VRK3: variants seen among roughly 807,000 people sequenced by gnomAD.
The protein encoded by VRK3 is serine/threonine-protein kinase VRK3.
A neutral mutation model predicts 60.4 loss-of-function variants in VRK3; 50 were observed. That is an observed-to-expected ratio of 0.83 (90% CI 0.66 to 1.05). The LOEUF is 1.05. Among genes scored for constraint, VRK3 ranks in the 50% least tolerant of loss-of-function variants. The pLI is 0.00. For missense variants in VRK3, 549 were observed against 585.3 expected (o/e 0.94, Z 0.64); for synonymous variants, 246 against 227.8 (o/e 1.08, Z -0.72).
intron 1 of VRK3, among the ~76,000 whole-genome samples, chr19:50,022,268 T>G (rs1332049356): frequency 6.6e-6 from 1 of 152,162 alleles, no homozygotes; most frequent in Admixed American, 6.5e-5. Flanking sequence ...GAAGCTGATG[T>G]TGGGTGTGGA....
intron 7 of VRK3, among the ~76,000 whole-genome samples, chr19:49,996,286 A>G (rs1416332793): frequency 6.6e-6 from 1 of 151,862 alleles, no homozygotes; most frequent in Non-Finnish European, 1.5e-5. Context: ...CGAACTCCTG[A>G]CCTCAGGTGA....
intron 3 of VRK3, among the ~76,000 whole-genome samples, chr19:50,011,695 G>A (rs1487843768): frequency 6.6e-6 from 1 of 151,338 alleles, no homozygotes; most frequent in Non-Finnish European, 1.5e-5. Flanking sequence ...GGTCCTGCCT[G>A]TCTTCCCCCA....
chr19:49,989,526 C>T, intron 11 of VRK3, 113 bp downstream of exon 11: 1 of 1,395,426 alleles, frequency 7.2e-7, no homozygotes, highest in East Asian at 2.6e-5. Flanking sequence ...TGTCCTGGCG[C>T]CCTTAGTGCC....
intron 10 of VRK3, among the ~76,000 whole-genome samples, chr19:49,992,318 C>A (rs1568784583): frequency 6.6e-6 from 1 of 152,212 alleles, no homozygotes; most frequent in African/African-American, 2.4e-5. Flanking sequence ...GACAGAGAAT[C>A]GCTTGAACCC....
intron 2 of VRK3, among the ~76,000 whole-genome samples, chr19:50,018,842 T>A (rs2077116902): frequency 6.6e-6 from 1 of 151,958 alleles, no homozygotes; most frequent in Non-Finnish European, 1.5e-5. Flanking sequence ...AATAAATATA[T>A]ACACCTACTA....
intron 1 of VRK3, among the ~76,000 whole-genome samples, chr19:50,023,227 C>T (rs2077199493): frequency 6.6e-6 from 1 of 152,164 alleles, no homozygotes; most frequent in Non-Finnish European, 1.5e-5. Context: ...CTCTTTTCGC[C>T]CAGGCTGGAG....
rs148877918 is a variant in VRK3 at position 49,989,740 on chromosome 19, C to T, written c.995G>A (p.Arg332His). ...CACGTGTTTGCCACTTGGGCAATAG[C>T]GGAAGGCGAAGCCATAGCCTGCCAA... ...VTLAGYGFAF[R>H]YCPSGKHVAY... The change falls in exon 11 of 15, where the codon CGC (arginine) becomes CAC (histidine). Residue 332 changes from arginine (R) to histidine (H), a missense_variant. By Grantham distance (29) the Arg-to-His change is conservative. Coordinates refer to ENST00000316763, the MANE Select transcript of VRK3 (RefSeq NM_016440.4). 10 of 1,612,662 alleles carry T rather than the reference C, an allele frequency of 6.2e-6. No individual in the cohort carries two copies. The highest frequency in any genetic ancestry group is 5.3e-5 in the African/African-American group (4 of 74,920).
intron 14 of VRK3, among the ~76,000 whole-genome samples, chr19:49,977,047 G>A (rs573689492): frequency 2.8e-4 from 42 of 152,300 alleles, no homozygotes; most frequent in African/African-American, 8.9e-4. Context: ...GAGCAAGTGG[G>A]TGGGGAGGCA....
Position 50,009,399 on chromosome 19 carries a change from G to A in VRK3, c.140-14C>T. On this transcript the variant is annotated splice_polypyrimidine_tract_variant and intron_variant, in intron 3 of 14. Transcript: ENST00000316763. Reference sequence around the variant, plus strand: ...CTCTCTTTGAGCCTAAAGAAAGGCAGACAAAATGCAGACTGGAGTTACAAA... The same window carrying A: ...CTCTCTTTGAGCCTAAAGAAAGGCAAACAAAATGCAGACTGGAGTTACAAA... 1.2e-6 allele frequency: 2 copies of A among 1,612,620 alleles called. No homozygotes were observed. The highest frequency in any genetic ancestry group is 1.7e-6 in the Non-Finnish European group (2 of 1,179,500).
intron 11 of VRK3, 43 bp downstream of exon 11, chr19:49,989,596 G>C: frequency 1.9e-6 from 3 of 1,568,380 alleles, no homozygotes; most frequent in Non-Finnish European, 2.6e-6. Flanking sequence ...CCTTGTATAA[G>C]AAGCATCTCT....
chr19:50,003,275 A>G (rs1600695832), intron 5 of VRK3, among the ~76,000 whole-genome samples: 2 of 152,140 alleles, frequency 1.3e-5, no homozygotes, highest in Admixed American at 1.3e-4. Flanking sequence ...CTTCGTACCC[A>G]GTGATTTTGG....
chr19:49,993,396 G>A (rs1465928366), intron 9 of VRK3, among the ~76,000 whole-genome samples: 2 of 152,010 alleles, frequency 1.3e-5, no homozygotes, highest in Admixed American at 1.3e-4. Flanking sequence ...TTTTTTTGCT[G>A]TGTGTATATA....
intron 11 of VRK3, 65 bp from the exon 12 acceptor site, chr19:49,988,557 C>G (rs1269192803): frequency 1.9e-6 from 3 of 1,563,926 alleles, no homozygotes; most frequent in Non-Finnish European, 2.6e-6. Context: ...TGGGTCCACC[C>G]CCCTTCCTTC....
At chr19:49,988,328 T>C (rs2076552055) in intron 12 of VRK3, 44 bp downstream of exon 12, 1 of 1,564,384 alleles carries the variant, frequency 6.4e-7, no homozygotes, top group Non-Finnish European at 8.6e-7. Context: ...CCTGCAGGGG[T>C]TCTGCTGACC....
chr19:50,008,999 T>G (rs2076949384), intron 4 of VRK3, among the ~76,000 whole-genome samples: 1 of 151,988 alleles, frequency 6.6e-6, no homozygotes, highest in East Asian at 1.9e-4. Flanking sequence ...CCAGGAACAG[T>G]AGGGGTCTGT....
chr19:49,981,337 G>A (rs2123002903), intron 12 of VRK3, among the ~76,000 whole-genome samples: 1 of 152,296 alleles, frequency 6.6e-6, no homozygotes, highest in Admixed American at 6.5e-5. Flanking sequence ...ACGAGGTCAG[G>A]AGATCCGAGA....
chr19:49,991,103 T>C (rs1378812226), intron 10 of VRK3, among the ~76,000 whole-genome samples: 1 of 152,170 alleles, frequency 6.6e-6, no homozygotes, highest in Admixed American at 6.5e-5. Flanking sequence ...ATGATGGTCA[T>C]TTTTATGTGG....
At chr19:50,011,708 C>T (rs1044835070) in intron 3 of VRK3, among the ~76,000 whole-genome samples, 4 of 150,454 alleles carry the variant, frequency 2.7e-5, no homozygotes, top group East Asian at 2.0e-4. Flanking sequence ...TTCCCCCAGG[C>T]GGAAATGTTC....
intron 3 of VRK3, among the ~76,000 whole-genome samples, chr19:50,014,490 C>T (rs1333184399): frequency 1.3e-5 from 2 of 151,998 alleles, no homozygotes; most frequent in African/African-American, 2.4e-5. Flanking sequence ...ACCTGGGAGA[C>T]GGAGGTTGCA....
Sources: gnomAD v4.1 joint callset for allele counts (sites outside exome capture counted in the v4.1 genomes callset) on GRCh38, gnomAD v4.1.1 for gene constraint, MANE v1.5 for transcripts, NCBI Gene and HGNC (gene_info 2026-07-23, HGNC 2026-07-21) for gene names.